Variants in TOX3 observed in about 807,000 individuals in gnomAD.
TOX3 encodes the protein TOX high mobility group box family member 3.
Under a neutral mutation model 64.3 loss-of-function variants are expected in TOX3, and 22 were observed. That is an observed-to-expected ratio of 0.34 (90% confidence interval 0.24 to 0.49). The LOEUF is 0.49. TOX3 is among the 20% of genes least tolerant of loss of function. The pLI, the probability that TOX3 is intolerant of heterozygous loss-of-function variation, is 0.99. For missense variants in TOX3, 661 were observed against 714.4 expected (o/e 0.93, Z 0.85); for synonymous variants, 291 against 273.6 (o/e 1.06, Z -0.63).
At chr16:52,477,383 T>C (rs576670222) in intron 1 of TOX3, among the ~76,000 whole-genome samples, 1 of 152,214 alleles carries the variant, frequency 6.6e-6, no homozygotes, top group East Asian at 1.9e-4. Flanking sequence ...GAGAGAGATG[T>C]AAAGCCCACA....
At chr16:52,510,609 AG>A (rs1449096517) in intron 1 of TOX3, among the ~76,000 whole-genome samples, 13 of 151,934 alleles carry the variant, frequency 8.6e-5, no homozygotes, top group African/African-American at 3.1e-4. Context: ...TACAAAAATT[AG>A]CTGGGCATGG....
Position 52,546,857 on chromosome 16 carries a change from G to C in TOX3, c.-134C>G. On this transcript the variant is annotated 5_prime_UTR_variant, in exon 1 of 7. Transcript: ENST00000219746. ...TGGGACTCGCGGCCGGAGGGGCGCC[G>C]GGACCCAGAGCCCGAGGAGCTCGGG... 2 of 1,226,568 alleles carry C rather than the reference G, an allele frequency of 1.6e-6. No homozygotes were observed. Among genetic ancestry groups the C allele is most frequent in the South Asian group, 3.2e-5 (1 of 31,086 alleles). 76.0% of individuals were successfully genotyped at this position (1,226,568 alleles called of 1,614,324 possible). A position where few individuals can be genotyped will look rare whatever the true frequency, so the allele number is the denominator to read the frequency against.
intron 1 of TOX3, among the ~76,000 whole-genome samples, chr16:52,482,787 G>T (rs972503605): frequency 6.6e-6 from 1 of 152,040 alleles, no homozygotes; most frequent in African/African-American, 2.4e-5. Flanking sequence ...TAACAAAAAA[G>T]AATTATTTTT....
intron 1 of TOX3, among the ~76,000 whole-genome samples, chr16:52,527,072 C>T (rs1281511716): frequency 6.6e-6 from 1 of 152,122 alleles, no homozygotes; most frequent in Non-Finnish European, 1.5e-5. Flanking sequence ...AATCTCTGTG[C>T]ACTCCATGCC....
chr16:52,462,058 T>G (rs1317234119), intron 3 of TOX3, among the ~76,000 whole-genome samples: 1 of 152,108 alleles, frequency 6.6e-6, no homozygotes, highest in Non-Finnish European at 1.5e-5. Flanking sequence ...CTACTAGAAT[T>G]TTCAACAAGA....
chr16:52,502,648 T>A (rs1962034354), intron 1 of TOX3, among the ~76,000 whole-genome samples: 1 of 152,202 alleles, frequency 6.6e-6, no homozygotes, highest in Non-Finnish European at 1.5e-5. Flanking sequence ...ATACAATTTT[T>A]AACAAAACTG....
chr16:52,522,879 G>A (rs538290090), intron 1 of TOX3, among the ~76,000 whole-genome samples: 79 of 152,148 alleles, frequency 5.2e-4, no homozygotes, highest in Admixed American at 8.5e-4. Context: ...TTTCCTTCAC[G>A]TTTATCATGT....
At chr16:52,531,595 G>A (rs531643033) in intron 1 of TOX3, among the ~76,000 whole-genome samples, 1 of 152,302 alleles carries the variant, frequency 6.6e-6, no homozygotes, top group Non-Finnish European at 1.5e-5. Context: ...AAGCAATACA[G>A]GGTCGCCATA....
At chr16:52,441,942 A>T (rs1055658263) in intron 6 of TOX3, among the ~76,000 whole-genome samples, 1 of 152,238 alleles carries the variant, frequency 6.6e-6, no homozygotes, top group Non-Finnish European at 1.5e-5. Flanking sequence ...TCAAAAAACC[A>T]TTAAATCACC....
chr16:52,486,902 C>T (rs1245251198), intron 1 of TOX3, among the ~76,000 whole-genome samples: 1 of 152,088 alleles, frequency 6.6e-6, no homozygotes, highest in Non-Finnish European at 1.5e-5. Context: ...TACCACTGCA[C>T]TCCAGCCTGA....
intron 2 of TOX3, among the ~76,000 whole-genome samples, chr16:52,465,479 T>G (rs906041860): frequency 6.7e-6 from 1 of 149,128 alleles, no homozygotes; most frequent in Non-Finnish European, 1.5e-5. Context: ...GGTTTTTTTT[T>G]TTTTTTTTTT....
intron 1 of TOX3, among the ~76,000 whole-genome samples, chr16:52,513,775 A>G (rs1962373879): frequency 6.6e-6 from 1 of 152,244 alleles, no homozygotes; most frequent in Admixed American, 6.5e-5. Flanking sequence ...ACTCATTAAA[A>G]ATAAAAATAC....
At chr16:52,481,953 A>G (rs1002058520) in intron 1 of TOX3, among the ~76,000 whole-genome samples, 1 of 152,216 alleles carries the variant, frequency 6.6e-6, no homozygotes, top group South Asian at 2.1e-4. Flanking sequence ...GGCAGGAAGG[A>G]CAGAAATCAC....
At chr16:52,526,671 T>G (rs1341547629) in intron 1 of TOX3, among the ~76,000 whole-genome samples, 1 of 152,086 alleles carries the variant, frequency 6.6e-6, no homozygotes, top group Admixed American at 6.6e-5. Context: ...AGCACTCCCC[T>G]CTCCTTTGGG....
intron 1 of TOX3, among the ~76,000 whole-genome samples, chr16:52,505,260 T>C (rs552000631): frequency 5.5e-4 from 84 of 152,354 alleles, no homozygotes; most frequent in Non-Finnish European, 1.1e-3. Flanking sequence ...TAGTCATCAA[T>C]GCAGTTAAGA....
intron 1 of TOX3, among the ~76,000 whole-genome samples, chr16:52,500,358 T>C (rs1300756622): frequency 2.0e-5 from 3 of 152,208 alleles, no homozygotes; most frequent in African/African-American, 7.2e-5. Context: ...CACAGACTTC[T>C]AATCAAAAAA....
chr16:52,444,498 T>TCACAC, intron 5 of TOX3, 142 bp from the exon 6 acceptor site: 1 of 324,968 alleles, frequency 3.1e-6, no homozygotes. Flanking sequence ...TGTTAGCGCA[T>TCACAC]GCACACACAC....
intron 1 of TOX3, among the ~76,000 whole-genome samples, chr16:52,498,059 A>G (rs991239774): frequency 6.6e-6 from 1 of 152,160 alleles, no homozygotes; most frequent in African/African-American, 2.4e-5. Context: ...ACATTCACCA[A>G]TTATGTGACC....
Position 52,436,638 on chromosome 16 carries a change from C to T in TOX3, c.*2587G>A, listed in dbSNP as rs1420588353. 1 of 152,176 alleles carries T rather than the reference C, an allele frequency of 6.6e-6. No homozygotes were observed. The highest frequency in any genetic ancestry group is 1.5e-5 in the Non-Finnish European group (1 of 68,020). The allele number at this position is 152,176 out of a possible 1,614,324, so 9.4% of individuals were successfully genotyped here. A position where few individuals can be genotyped will look rare whatever the true frequency, so the allele number is the denominator to read the frequency against. ...TGACATTTTAAATATGTAGTTTTGCCTGGTGATTAATTTTATAAACTGTAG... is the reference window on the plus strand; with the variant it reads ...TGACATTTTAAATATGTAGTTTTGCTTGGTGATTAATTTTATAAACTGTAG... On this transcript the variant is annotated 3_prime_UTR_variant, in exon 7 of 7. Transcript: ENST00000219746.
Sources: gnomAD v4.1 joint callset for allele counts (sites outside exome capture counted in the v4.1 genomes callset) on GRCh38, gnomAD v4.1.1 for gene constraint, MANE v1.5 for transcripts, NCBI Gene and HGNC (gene_info 2026-07-23, HGNC 2026-07-21) for gene names.